PANK1: variants seen among roughly 807,000 people sequenced by gnomAD.
The protein encoded by PANK1 is pantothenate kinase 1, also known as pantothenic acid kinase 1.
In PANK1, 18 loss-of-function variants were observed where a neutral mutation model predicts 40.1. The ratio of observed to expected loss-of-function variants is 0.45; its 90% confidence interval spans 0.31 to 0.67. The LOEUF is 0.67. Ranked by LOEUF, PANK1 falls within the 30% of genes least tolerant of loss-of-function variation. The probability of loss-of-function intolerance (pLI) is 0.06; values close to 1 mark genes in which losing one functional copy is unlikely to be tolerated. For synonymous variants in PANK1, 242 were observed against 237.7 expected (o/e 1.02, Z -0.17); for missense variants, 457 against 599.6 (o/e 0.76, Z 2.48).
At chr10:89,616,963 TG>T (rs1449680663) in intron 1 of PANK1, among the ~76,000 whole-genome samples, 1 of 152,084 alleles carries the variant, frequency 6.6e-6, no homozygotes, top group Non-Finnish European at 1.5e-5. Context: ...AAAACAATGT[TG>T]AAGGAAAACT....
chr10:89,581,430 T>A (rs1373745530), downstream of PANK1: 3 of 152,186 alleles, frequency 2.0e-5, no homozygotes, highest in African/African-American at 4.8e-5. Context: ...TTATTTATTT[T>A]ATTTTTTTGA....
At chr10:89,624,190 C>G (rs965332209) in intron 1 of PANK1, among the ~76,000 whole-genome samples, 4 of 152,194 alleles carry the variant, frequency 2.6e-5, no homozygotes, top group African/African-American at 9.6e-5. Context: ...CATAGAGACT[C>G]AAGTCTGAAT....
chr10:89,621,309 A>G (rs2133979881), intron 1 of PANK1, among the ~76,000 whole-genome samples: 1 of 152,188 alleles, frequency 6.6e-6, no homozygotes, highest in Non-Finnish European at 1.5e-5. Flanking sequence ...TCTCATAAAA[A>G]AAAAAAAAAT....
In PANK1 at chr10:89,644,817, G is replaced by A. The variant is rs371825552; in HGVS notation, c.75C>T (p.Ala25=). The change falls in exon 1 of 7, where the codon GCC becomes GCT. Residue 25 remains alanine, a synonymous_variant. Coordinates refer to ENST00000307534, the MANE Select transcript of PANK1 (RefSeq NM_148977.3). The stretch of plus-strand genomic sequence containing the variant: ...CGTTGTGCAGCAGCCCGTTCACAGC[G>A]GCGGCGCTGGTGCCCACGGGGGCCC... ...SPGAPVGTSA[A]AVNGLLHNGF... 8 of 1,456,302 alleles carry A rather than the reference G, an allele frequency of 5.5e-6. No homozygotes were observed. The highest frequency in any genetic ancestry group is 1.4e-5 in the South Asian group (1 of 69,838). 90.2% of individuals were successfully genotyped at this position (1,456,302 alleles called of 1,614,324 possible).
chr10:89,615,160 A>G (rs911322265), intron 1 of PANK1, among the ~76,000 whole-genome samples: 2 of 152,236 alleles, frequency 1.3e-5, no homozygotes, highest in Non-Finnish European at 2.9e-5. Flanking sequence ...TAATAAAAAA[A>G]TAAGAATTAC....
In PANK1 at chr10:89,584,378, G is replaced by A. The variant is rs756367263; in HGVS notation, c.*28C>T. On this transcript the variant is annotated 3_prime_UTR_variant, in exon 7 of 7. Coordinates refer to ENST00000307534, the MANE Select transcript of PANK1 (RefSeq NM_148977.3). The stretch of plus-strand genomic sequence containing the variant: ...CAATTTTTTAGTTCTCTGTCCTTTT[G>A]GGAGGCTGTTTCCTCCACTGCTCGT... 6.7e-7 allele frequency: 1 copy of A among 1,496,326 alleles called. No individual in the cohort carries two copies. The highest frequency in any genetic ancestry group is 9.3e-7 in the Non-Finnish European group (1 of 1,073,300). 92.7% of individuals were successfully genotyped at this position (1,496,326 alleles called of 1,614,324 possible). A position where few individuals can be genotyped will look rare whatever the true frequency, so the allele number is the denominator to read the frequency against.
chr10:89,638,683 C>T (rs548622908), intron 1 of PANK1, among the ~76,000 whole-genome samples: 1 of 152,188 alleles, frequency 6.6e-6, no homozygotes, highest in East Asian at 1.9e-4. Flanking sequence ...AGGGTGTAGA[C>T]ACAATTCAAC....
intron 2 of PANK1, among the ~76,000 whole-genome samples, chr10:89,608,158 A>G (rs1845032652): frequency 6.6e-6 from 1 of 151,690 alleles, no homozygotes; most frequent in Non-Finnish European, 1.5e-5. Flanking sequence ...CAGCCTCCCA[A>G]GCAGCTGGGA....
chr10:89,632,434 TA>T (rs1030666321), intron 1 of PANK1, among the ~76,000 whole-genome samples: 4 of 151,888 alleles, frequency 2.6e-5, no homozygotes, highest in African/African-American at 9.7e-5. Context: ...CAGCAATAAA[TA>T]AATTATAAAT....
At chr10:89,631,937 T>G (rs1341831843) in intron 1 of PANK1, among the ~76,000 whole-genome samples, 1 of 149,938 alleles carries the variant, frequency 6.7e-6, no homozygotes, top group African/African-American at 2.4e-5. Flanking sequence ...CACTGCTAAC[T>G]TTTACAGCAA....
intron 6 of PANK1, among the ~76,000 whole-genome samples, chr10:89,586,217 T>C (rs1844191006): frequency 6.6e-6 from 1 of 152,212 alleles, no homozygotes; most frequent in Non-Finnish European, 1.5e-5. Flanking sequence ...CACAGATAAA[T>C]GGCAGATAAA....
intron 1 of PANK1, among the ~76,000 whole-genome samples, chr10:89,628,967 C>T (rs1841553890): frequency 6.6e-6 from 1 of 152,136 alleles, no homozygotes; most frequent in East Asian, 1.9e-4. Context: ...TGCTTTTGGG[C>T]TAAAGCTGTT....
intron 1 of PANK1, among the ~76,000 whole-genome samples, chr10:89,631,431 A>C (rs1841637884): frequency 6.6e-6 from 1 of 152,226 alleles, no homozygotes; most frequent in South Asian, 2.1e-4. Flanking sequence ...CCCTTCTTTA[A>C]ACCCTTGGTT....
intron 1 of PANK1, chr10:89,639,258 G>T: frequency 2.2e-6 from 1 of 448,514 alleles, no homozygotes; most frequent in Non-Finnish European, 4.5e-6. Flanking sequence ...GAAAGGGCAA[G>T]AGATTGAACT....
In PANK1 at chr10:89,594,006, G is replaced by T. The variant is rs925890235; in HGVS notation, c.900-17C>A. On this transcript the variant is annotated splice_polypyrimidine_tract_variant and intron_variant, in intron 3 of 6. Coordinates refer to ENST00000307534, the MANE Select transcript of PANK1 (RefSeq NM_148977.3). ...CCTCCAAGACTGAAGGAATAATAAG[G>T]TTTATTTTTAAATTTTACTTTAAGA... 5.0e-6 allele frequency: 8 copies of T among 1,589,028 alleles called. No individual in the cohort carries two copies. Among genetic ancestry groups the T allele is most frequent in the Non-Finnish European group, 6.0e-6 (7 of 1,158,602 alleles).
At chr10:89,637,364 A>C (rs1288506599) in intron 1 of PANK1, among the ~76,000 whole-genome samples, 1 of 152,198 alleles carries the variant, frequency 6.6e-6, no homozygotes, top group Non-Finnish European at 1.5e-5. Context: ...GTCATTGTGC[A>C]AACAGCATAG....
chr10:89,593,046 A>G (rs770979310), intron 5 of PANK1, 151 bp downstream of exon 5: 6 of 756,092 alleles, frequency 7.9e-6, no homozygotes, highest in Non-Finnish European at 1.1e-5. Flanking sequence ...CCCTCCCCCA[A>G]CACACACCCC....
At chr10:89,606,843 T>G (rs1257847554) in intron 2 of PANK1, among the ~76,000 whole-genome samples, 1 of 152,240 alleles carries the variant, frequency 6.6e-6, no homozygotes, top group Non-Finnish European at 1.5e-5. Context: ...ACTTTTCTTC[T>G]GCAGCTTCCT....
intron 1 of PANK1, among the ~76,000 whole-genome samples, chr10:89,640,974 G>C (rs1324468665): frequency 4.6e-5 from 7 of 152,116 alleles, no homozygotes; most frequent in Admixed American, 4.6e-4. Flanking sequence ...TTAACCAGTT[G>C]GACACTGGAC....
Sources: gnomAD v4.1 joint callset for allele counts (sites outside exome capture counted in the v4.1 genomes callset) on GRCh38, gnomAD v4.1.1 for gene constraint, MANE v1.5 for transcripts, NCBI Gene and HGNC (gene_info 2026-07-23, HGNC 2026-07-21) for gene names.